Variants in RAB11FIP2 observed in about 807,000 individuals in gnomAD.
The protein encoded by RAB11FIP2 is RAB11 family interacting protein 2.
A neutral mutation model predicts 40.9 loss-of-function variants in RAB11FIP2; 16 were observed. The ratio of observed to expected loss-of-function variants is 0.39; its 90% CI spans 0.26 to 0.59. RAB11FIP2 has a LOEUF of 0.59. Among genes scored for constraint, RAB11FIP2 ranks in the 20% least tolerant of loss-of-function variants. RAB11FIP2 has a pLI of 0.53. For missense variants in RAB11FIP2, 532 were observed against 606.2 expected (o/e 0.88, Z 1.28); for synonymous variants, 228 against 213.7 (o/e 1.07, Z -0.58).
At chr10:118,020,802 C>G (rs1402640396) in intron 3 of RAB11FIP2, among the ~76,000 whole-genome samples, 1 of 152,116 alleles carries the variant, frequency 6.6e-6, no homozygotes, top group Non-Finnish European at 1.5e-5. Flanking sequence ...AGGTTCTTAA[C>G]TGATACATGA....
At chr10:118,036,554 A>G (rs1846483529) in intron 3 of RAB11FIP2, among the ~76,000 whole-genome samples, 1 of 152,160 alleles carries the variant, frequency 6.6e-6, no homozygotes, top group African/African-American at 2.4e-5. Flanking sequence ...TGTGAACTGC[A>G]CACTCTTCTT....
At chr10:118,013,952 T>C (rs1054501277) in intron 4 of RAB11FIP2, among the ~76,000 whole-genome samples, 1 of 152,132 alleles carries the variant, frequency 6.6e-6, no homozygotes, top group Non-Finnish European at 1.5e-5. Context: ...ATAGAATTCA[T>C]TTTACTATCT....
chr10:118,012,694 C>A (rs1264142280), intron 4 of RAB11FIP2, among the ~76,000 whole-genome samples: 1 of 151,892 alleles, frequency 6.6e-6, no homozygotes, highest in Non-Finnish European at 1.5e-5. Flanking sequence ...ATTATTCTTG[C>A]AAAAACTTGC....
At chr10:118,013,181 T>A (rs1308390535) in intron 4 of RAB11FIP2, among the ~76,000 whole-genome samples, 1 of 151,934 alleles carries the variant, frequency 6.6e-6, no homozygotes, top group Non-Finnish European at 1.5e-5. Context: ...CAAATATTGG[T>A]GGGGTACTAA....
intron 3 of RAB11FIP2, among the ~76,000 whole-genome samples, chr10:118,037,094 C>G (rs905732692): frequency 4.6e-5 from 7 of 151,878 alleles, no homozygotes; most frequent in African/African-American, 1.7e-4. Context: ...TTCCAACAAC[C>G]TTCTGTAAAA....
intron 1 of RAB11FIP2, among the ~76,000 whole-genome samples, chr10:118,042,134 G>A (rs1165933746): frequency 6.6e-6 from 1 of 152,082 alleles, no homozygotes; most frequent in African/African-American, 2.4e-5. Flanking sequence ...ACGAACAGTA[G>A]CTCAGAAATA....
rs747944012 is a variant in RAB11FIP2, at chr10:118,040,207, A to G, written c.712T>C (p.Ser238Pro). 1 of 1,613,848 alleles carries G rather than the reference A, an allele frequency of 6.2e-7. No individual in the cohort carries two copies. The highest frequency in any genetic ancestry group is 8.5e-7 in the Non-Finnish European group (1 of 1,179,792). Reference protein sequence around the residue: ...MSDLSGSHMSSEKLKAGTIGQ... With the variant: ...MSDLSGSHMSPEKLKAGTIGQ... ...ATGGTGCCAGCCTTCAGTTTCTCAG[A>G]AGACATATGGGACCCAGATAAATCA... The change falls in exon 2 of 5, where the codon TCT becomes CCT. Residue 238 changes from serine to proline, a missense_variant. Transcript: ENST00000355624.
intron 3 of RAB11FIP2, among the ~76,000 whole-genome samples, chr10:118,022,923 A>G (rs1462461764): frequency 6.6e-6 from 1 of 152,228 alleles, no homozygotes; most frequent in African/African-American, 2.4e-5. Flanking sequence ...CCAAGTCCCC[A>G]AAGAGTGGAA....
chr10:118,020,948 C>T (rs530682835), intron 3 of RAB11FIP2, among the ~76,000 whole-genome samples: 1 of 152,134 alleles, frequency 6.6e-6, no homozygotes, highest in Non-Finnish European at 1.5e-5. Flanking sequence ...CTATACTTTC[C>T]TTTGCCCTTC....
intron 3 of RAB11FIP2, among the ~76,000 whole-genome samples, chr10:118,038,060 C>T (rs559990793): frequency 6.6e-5 from 10 of 151,668 alleles, no homozygotes; most frequent in African/African-American, 2.2e-4. Context: ...ATTTTCACTC[C>T]ATGGTTGATT....
At chr10:118,029,094 T>C (rs186758127) in intron 3 of RAB11FIP2, among the ~76,000 whole-genome samples, 2 of 152,090 alleles carry the variant, frequency 1.3e-5, no homozygotes, top group East Asian at 3.9e-4. Flanking sequence ...TCAAAGACTA[T>C]AGACCTGACA....
intron 3 of RAB11FIP2, among the ~76,000 whole-genome samples, chr10:118,023,863 C>A (rs183287099): frequency 6.6e-6 from 1 of 152,000 alleles, no homozygotes; most frequent in African/African-American, 2.4e-5. Context: ...AGGAGGCAGG[C>A]GGATCACTTG....
chr10:118,012,497 ATGAGATTCTTAAATTGAC>A (rs879817228), intron 4 of RAB11FIP2, among the ~76,000 whole-genome samples: 145 of 152,018 alleles, frequency 9.5e-4, no homozygotes, highest in Non-Finnish European at 1.5e-3. Context: ...AATTTTAGGC[ATGAGATTCTTAAATTGAC>A]TGATATACTC....
intron 2 of RAB11FIP2, chr10:118,039,715 C>T (rs759382053): frequency 5.1e-6 from 2 of 393,192 alleles, no homozygotes; most frequent in Non-Finnish European, 9.0e-6. Flanking sequence ...TTCTGGTTGG[C>T]ATGATAATGT....
chr10:118,040,277 A>G lies in RAB11FIP2; in HGVS notation c.642T>C (p.Pro214=). Residue 214 remains proline, a synonymous_variant, in exon 2 of 5, where the codon CCT becomes CCC. Transcript: ENST00000355624. ...AGAGTCGCTGAGGACCCAAGAGAAA[A>G]GGCTTTTTTGGTTTGGATTTCATCT... ...EIQMKSKPKK[P]FLLGPQRLSS... 2 of 1,613,902 alleles carry G rather than the reference A, an allele frequency of 1.2e-6. No individual in the cohort carries two copies. The highest frequency in any genetic ancestry group is 2.2e-5 in the South Asian group (2 of 91,078).
At chr10:118,019,297 T>A (rs1026380923) in intron 3 of RAB11FIP2, among the ~76,000 whole-genome samples, 8 of 152,156 alleles carry the variant, frequency 5.3e-5, no homozygotes, top group Non-Finnish European at 7.4e-5. Flanking sequence ...CATTTTGTAT[T>A]TAAGAAGTGA....
At chr10:118,017,801 A>C (rs1215945504) in intron 3 of RAB11FIP2, 1 of 152,222 alleles carries the variant, frequency 6.6e-6, no homozygotes, top group African/African-American at 2.4e-5. Context: ...CTGAACTAAG[A>C]AACAGAAATA....
chr10:118,014,249 T>C (rs112662243), intron 4 of RAB11FIP2, among the ~76,000 whole-genome samples: 1 of 152,098 alleles, frequency 6.6e-6, no homozygotes, highest in African/African-American at 2.4e-5. Flanking sequence ...AAATTCTTAC[T>C]ATACATCTGG....
Position 118,040,169 on chromosome 10 carries a change from A to T in RAB11FIP2, c.750T>A (p.His250Gln), listed in dbSNP as rs1449963528. ...KLKAGTIGQT[H>Q]LLGHQLDSFG... The stretch of plus-strand genomic sequence containing the variant: ...AGGAATCTAACTGGTGTCCGAGAAG[A>T]TGTGTTTGACCTATGGTGCCAGCCT... The change falls in exon 2 of 5, where the codon CAT becomes CAA. Residue 250 changes from histidine (H) to glutamine (Q), a missense_variant. Coordinates refer to ENST00000355624, the MANE Select transcript of RAB11FIP2 (RefSeq NM_014904.3). 3 of 1,613,664 alleles carry T rather than the reference A, an allele frequency of 1.9e-6. No homozygotes were observed. The African/African-American group carries it at 4.0e-5, about 22-fold the overall frequency.
Sources: gnomAD v4.1 joint callset for allele counts (sites outside exome capture counted in the v4.1 genomes callset) on GRCh38, gnomAD v4.1.1 for gene constraint, MANE v1.5 for transcripts, NCBI Gene and HGNC (gene_info 2026-07-23, HGNC 2026-07-21) for gene names.